C8orf34: variants seen among roughly 807,000 people sequenced by gnomAD.
The protein encoded by C8orf34 is chromosome 8 open reading frame 34, also known as uncharacterized protein C8orf34.
In C8orf34, 65 loss-of-function variants were observed where a neutral mutation model predicts 68.3. That is an observed-to-expected ratio of 0.95 (90% CI 0.78 to 1.17). The LOEUF (loss-of-function observed/expected upper bound fraction) is 1.17, where lower values mean the gene tolerates loss of function less well. Among genes scored for constraint, C8orf34 ranks in the 50% most tolerant of loss-of-function variants. The probability of loss-of-function intolerance (pLI) is 0.00; values close to 1 mark genes in which losing one functional copy is unlikely to be tolerated. For synonymous variants in C8orf34, 244 were observed against 241.2 expected (o/e 1.01, Z -0.11); for missense variants, 664 against 655.4 (o/e 1.01, Z -0.14).
At chr8:68,553,132 T>C (rs991175873) in intron 7 of C8orf34, among the ~76,000 whole-genome samples, 1 of 152,026 alleles carries the variant, frequency 6.6e-6, no homozygotes, top group Non-Finnish European at 1.5e-5. Context: ...ACACCTGTAA[T>C]CCCAGCACTT....
intron 12 of C8orf34, among the ~76,000 whole-genome samples, chr8:68,800,428 T>A (rs1054730403): frequency 1.3e-5 from 2 of 152,192 alleles, no homozygotes; most frequent in East Asian, 3.9e-4. Context: ...AGACCAATAG[T>A]GCAGCCTAGC....
At chr8:68,330,726 T>C (rs113110777), upstream of C8orf34, 2,372 of 346,820 alleles carry the variant, frequency 6.8e-3, 49 homozygotes, top group African/African-American at 0.046. Context: ...GCGAGCAGCC[T>C]CGGGGAGCAG....
rs182721333 is a variant in C8orf34, at chr8:68,705,455, A to T, written c.1242-3539A>T. On this transcript the variant is annotated intron_variant, in intron 8 of 13. Transcript: ENST00000518698. ...CAGAAGAAAAGCAATGACAGCCTTA[A>T]GAACAAATAGAGGTTAACGCAAGGT... Among the ~76,000 whole-genome samples, 572 of 152,296 alleles carry T rather than the reference A, an allele frequency of 3.8e-3. 3 individuals are homozygous for T. Among genetic ancestry groups the T allele is most frequent in the Middle Eastern group, 6.8e-3 (2 of 292 alleles).
chr8:68,533,493 CTATAAAA>C (rs1295847314), intron 7 of C8orf34: 1 of 1,000,158 alleles, frequency 1.0e-6, no homozygotes, highest in Non-Finnish European at 1.2e-6. Context: ...CATCTATTGT[CTATAAAA>C]TATACCCAAA....
intron 8 of C8orf34, among the ~76,000 whole-genome samples, chr8:68,667,014 C>G (rs1290099564): frequency 6.6e-6 from 1 of 152,028 alleles, no homozygotes; most frequent in Non-Finnish European, 1.5e-5. Context: ...CAAAATTATT[C>G]TAATCGCTGA....
chr8:68,446,509 T>A, intron 3 of C8orf34, 49 bp downstream of exon 3: 1 of 1,557,666 alleles, frequency 6.4e-7, no homozygotes, highest in Non-Finnish European at 8.7e-7. Flanking sequence ...TAAGTTTATG[T>A]TGTTAAGAAA....
chr8:68,605,898 AG>A (rs1211625399), intron 7 of C8orf34, among the ~76,000 whole-genome samples: 1 of 152,144 alleles, frequency 6.6e-6, no homozygotes, highest in Non-Finnish European at 1.5e-5. Context: ...GTGTTAATGT[AG>A]GTCCATCAGT....
chr8:68,682,952 T>TA (rs1820411938), intron 8 of C8orf34, among the ~76,000 whole-genome samples: 1 of 152,236 alleles, frequency 6.6e-6, no homozygotes, highest in East Asian at 1.9e-4. Context: ...AGGACACTCC[T>TA]AGAGATTCCA....
At chr8:68,485,702 A>C (rs1415117886) in intron 4 of C8orf34, among the ~76,000 whole-genome samples, 1 of 130,898 alleles carries the variant, frequency 7.6e-6, no homozygotes, top group African/African-American at 2.8e-5. Context: ...ACAAGGCAAG[A>C]CTCTGTCTCA....
At chr8:68,660,498 C>A (rs757989451) in intron 8 of C8orf34, among the ~76,000 whole-genome samples, 2 of 152,162 alleles carry the variant, frequency 1.3e-5, no homozygotes, top group African/African-American at 2.4e-5. Context: ...CTGCTCGTAA[C>A]CTTTGAGTTC....
chr8:68,520,617 A>ATTT (rs34335751), intron 5 of C8orf34, among the ~76,000 whole-genome samples: 6 of 134,258 alleles, frequency 4.5e-5, no homozygotes, highest in Non-Finnish European at 8.0e-5. Flanking sequence ...CGCCCGGCTA[A>ATTT]TTTTTTTTTT....
At chr8:68,786,839 A>G (rs1463435597) in intron 11 of C8orf34, among the ~76,000 whole-genome samples, 3 of 152,238 alleles carry the variant, frequency 2.0e-5, no homozygotes, top group Non-Finnish European at 4.4e-5. Flanking sequence ...TGGGAGAATT[A>G]GACAGGATAT....
intron 1 of C8orf34, among the ~76,000 whole-genome samples, chr8:68,345,417 A>T (rs1319574001): frequency 1.3e-5 from 2 of 152,016 alleles, no homozygotes; most frequent in Non-Finnish European, 2.9e-5. Context: ...ATGTATAGAA[A>T]AGCCAAAAAG....
At chr8:68,501,384 C>T (rs1028487968) in intron 5 of C8orf34, among the ~76,000 whole-genome samples, 1 of 152,168 alleles carries the variant, frequency 6.6e-6, no homozygotes, top group African/African-American at 2.4e-5. Context: ...GGCTTCACTT[C>T]CAGCCACTGT....
intron 1 of C8orf34, among the ~76,000 whole-genome samples, chr8:68,389,297 T>C (rs6995713): frequency 0.068 from 10,345 of 152,160 alleles, 421 homozygotes; most frequent in African/African-American, 0.11. Flanking sequence ...GACAGGCTCT[T>C]ACTTTCCACA....
chr8:68,785,614 C>T (rs1283555310), intron 11 of C8orf34, among the ~76,000 whole-genome samples: 5 of 152,106 alleles, frequency 3.3e-5, no homozygotes, highest in African/African-American at 1.2e-4. Flanking sequence ...TTGTTTCATA[C>T]ATCTGTAACA....
At chr8:68,584,638 G>T (rs953692549) in intron 7 of C8orf34, among the ~76,000 whole-genome samples, 1 of 152,138 alleles carries the variant, frequency 6.6e-6, no homozygotes, top group Non-Finnish European at 1.5e-5. Context: ...AACCCGGCAG[G>T]TGGAGTGTTC....
intron 7 of C8orf34, among the ~76,000 whole-genome samples, chr8:68,539,833 A>G (rs1392747661): frequency 6.6e-6 from 1 of 152,014 alleles, no homozygotes; most frequent in Non-Finnish European, 1.5e-5. Context: ...CACCCTGGGC[A>G]ACAGAGTGAA....
chr8:68,574,911 C>T (rs1816858061), intron 7 of C8orf34, among the ~76,000 whole-genome samples: 1 of 151,838 alleles, frequency 6.6e-6, no homozygotes, highest in Non-Finnish European at 1.5e-5. Context: ...TAGGGAGTGT[C>T]TATAAAATCA....
Sources: allele counts gnomAD v4.1 joint callset (sites outside exome capture counted in the v4.1 genomes callset), GRCh38; gene constraint gnomAD v4.1.1; transcripts MANE v1.5; gene names NCBI Gene and HGNC (gene_info 2026-07-23, HGNC 2026-07-21).